ITGB2: variants seen among roughly 807,000 people sequenced by gnomAD.
ITGB2 encodes integrin beta-2.
Under a neutral mutation model 86.8 loss-of-function variants are expected in ITGB2, and 56 were observed. The observed-to-expected ratio is 0.65, with a 90% CI of 0.52 to 0.81. The LOEUF is 0.81. Among genes scored for constraint, ITGB2 ranks in the 30% least tolerant of loss-of-function variants. ITGB2 has a pLI of 0.00. For missense variants in ITGB2, 948 were observed against 1,061.2 expected (o/e 0.89, Z 1.48); for synonymous variants, 457 against 450.4 (o/e 1.01, Z -0.19).
At chr21:44,894,585 C>G (rs1374132705) in intron 9 of ITGB2, 3 of 341,574 alleles carry the variant, frequency 8.8e-6, no homozygotes, top group South Asian at 2.4e-5. Context: ...ATTCCACCCC[C>G]CAGGGTGTCT....
At chr21:44,901,130 G>A (rs528210634) in intron 6 of ITGB2, among the ~76,000 whole-genome samples, 1 of 152,322 alleles carries the variant, frequency 6.6e-6, no homozygotes, top group Admixed American at 6.5e-5. Context: ...CGCCCACCCG[G>A]CCTGGAGGGA....
intron 1 of ITGB2, among the ~76,000 whole-genome samples, chr21:44,911,979 T>C (rs1466232458): frequency 6.6e-6 from 1 of 152,048 alleles, no homozygotes; most frequent in African/African-American, 2.4e-5. Context: ...GCTGGGACCC[T>C]TTTATCTGGC....
chr21:44,903,189 G>C (rs1250095949), intron 5 of ITGB2, among the ~76,000 whole-genome samples, 176 bp downstream of exon 5: 1 of 152,204 alleles, frequency 6.6e-6, no homozygotes, highest in Non-Finnish European at 1.5e-5. Flanking sequence ...ACTGGGTGTG[G>C]CCCCTGGCAG....
intron 1 of ITGB2, chr21:44,911,237 G>T (rs113934436): frequency 7.4e-6 from 2 of 271,064 alleles, no homozygotes; most frequent in Non-Finnish European, 1.5e-5. Flanking sequence ...CATACTCCCC[G>T]CAAGACACTA....
intron 1 of ITGB2, among the ~76,000 whole-genome samples, chr21:44,911,845 C>T (rs999448225): frequency 2.6e-5 from 4 of 152,170 alleles, no homozygotes; most frequent in African/African-American, 9.7e-5. Flanking sequence ...CCCCTGGGTT[C>T]CCTTCCCTCC....
chr21:44,910,841 A>AC (rs2084121234), intron 1 of ITGB2, 56 bp from the exon 2 acceptor site: 1 of 1,553,872 alleles, frequency 6.4e-7, no homozygotes, highest in Admixed American at 1.8e-5. Context: ...GGGGCTGACC[A>AC]CCCATGAAGC....
At chr21:44,911,455 C>G (rs527485331) in intron 1 of ITGB2, 1 of 153,038 alleles carries the variant, frequency 6.5e-6, no homozygotes, top group East Asian at 1.9e-4. Flanking sequence ...TGGGCTTGGC[C>G]CTGTCTCTCT....
chr21:44,910,167 G>T, intron 3 of ITGB2, 117 bp downstream of exon 3: 1 of 1,370,022 alleles, frequency 7.3e-7, no homozygotes, highest in South Asian at 1.4e-5. Context: ...AGGGTCTGGG[G>T]ACCCCCTCAA....
intron 1 of ITGB2, among the ~76,000 whole-genome samples, chr21:44,916,168 G>T (rs911523857): frequency 6.6e-6 from 1 of 152,014 alleles, no homozygotes; most frequent in Non-Finnish European, 1.5e-5. Context: ...TGATCCGCCT[G>T]CCTCGGCCTC....
intron 5 of ITGB2, among the ~76,000 whole-genome samples, chr21:44,902,420 C>T (rs570321695): frequency 2.1e-5 from 3 of 144,664 alleles, no homozygotes; most frequent in East Asian, 2.2e-4. Context: ...AGCATACATT[C>T]GCGTGTGTGA....
At chr21:44,912,757 G>A (rs1286455195) in intron 1 of ITGB2, among the ~76,000 whole-genome samples, 2 of 152,060 alleles carry the variant, frequency 1.3e-5, no homozygotes, top group African/African-American at 2.4e-5. Flanking sequence ...TCAGCTGATC[G>A]GAGGCCCTGT....
chr21:44,892,604 C>CA (rs11327948), intron 10 of ITGB2, among the ~76,000 whole-genome samples: 14,826 of 70,794 alleles, frequency 0.21, 2,047 homozygotes, highest in Middle Eastern at 0.29. Flanking sequence ...AACTCCATCT[C>CA]AAAAAAAAAA....
intron 1 of ITGB2, among the ~76,000 whole-genome samples, chr21:44,914,754 C>T (rs1489342851): frequency 1.3e-5 from 2 of 152,076 alleles, no homozygotes; most frequent in African/African-American, 2.4e-5. Flanking sequence ...GAGACTCCTA[C>T]CTCTACAAAA....
chr21:44,910,452 AGAG>A (rs772079667), intron 2 of ITGB2, 80 bp from the exon 3 acceptor site: 2 of 1,603,858 alleles, frequency 1.2e-6, no homozygotes, highest in Non-Finnish European at 8.5e-7. Flanking sequence ...CAGGAAGGTC[AGAG>A]GAGGCCCAAA....
In ITGB2 at chr21:44,907,110, TC is replaced by T. The variant is rs202011691; in HGVS notation, c.148-16del. Reference sequence around the variant, plus strand: ...CCTGTGAAGTTCTGGGGAGGGGGAGTCAGGGGTCAGGAGGGGGCCACACTGC... The same window carrying T: ...CCTGTGAAGTTCTGGGGAGGGGGAGTAGGGGTCAGGAGGGGGCCACACTGC... On this transcript the variant is annotated splice_polypyrimidine_tract_variant and intron_variant, in intron 3 of 15. Transcript: ENST00000652462. 1,445 of 1,579,930 alleles carry T rather than the reference TC, an allele frequency of 9.1e-4. 8 individuals are homozygous for T. In the African/African-American group the frequency reaches 0.017, roughly 18 times the overall value.
At chr21:44,922,859 G>A (rs1470055500), upstream of ITGB2, 1 of 152,046 alleles carries the variant, frequency 6.6e-6, no homozygotes, top group African/African-American at 2.4e-5. Flanking sequence ...GAAATAAAGA[G>A]ACAAAACAAG....
intron 1 of ITGB2, among the ~76,000 whole-genome samples, chr21:44,926,532 C>T (rs1035409278): frequency 1.3e-5 from 2 of 152,212 alleles, no homozygotes; most frequent in African/African-American, 4.8e-5. Context: ...GGCTGCTTCC[C>T]AGGGCCCTCC....
chr21:44,908,667 T>C (rs960131895), intron 3 of ITGB2, among the ~76,000 whole-genome samples: 2 of 152,160 alleles, frequency 1.3e-5, no homozygotes, highest in African/African-American at 2.4e-5. Flanking sequence ...CCTGGCCAAA[T>C]AAAGCCCTTC....
At position 44,889,419 on chromosome 21, in the gene ITGB2, G is replaced by T; in HGVS notation, c.1734C>A (p.Thr578=). 6.2e-7 allele frequency: 1 copy of T among 1,611,552 alleles called. No homozygotes were observed. Among genetic ancestry groups the T allele is most frequent in the African/African-American group, 1.3e-5 (1 of 75,004 alleles). The stretch of plus-strand genomic sequence containing the variant: ...GCCGCGGGTTCAGGCAGCCCTCAGT[G>T]GTCCTCTCGCACTGGCACGCTGAGC... ...FEGSACQCER[T]TEGCLNPRRV... Residue 578 remains threonine (T), a synonymous_variant, in exon 13 of 16, where the codon ACC becomes ACA. Transcript: ENST00000652462.
Sources: allele counts gnomAD v4.1 joint callset (sites outside exome capture counted in the v4.1 genomes callset), GRCh38; gene constraint gnomAD v4.1.1; transcripts MANE v1.5; gene names NCBI Gene and HGNC (gene_info 2026-07-23, HGNC 2026-07-21).